The following FOXP2 variants were observed in gnomAD, a reference collection of about 807,000 sequenced individuals.
The protein encoded by FOXP2 is forkhead box P2.
A neutral mutation model predicts 115.8 loss-of-function variants in FOXP2; 12 were observed. The observed-to-expected ratio is 0.10, with a 90% CI of 0.07 to 0.17. The LOEUF (loss-of-function observed/expected upper bound fraction) is 0.17, where lower values mean the gene tolerates loss of function less well. Among genes scored for constraint, FOXP2 ranks in the 10% least tolerant of loss-of-function variants. The pLI, the probability that FOXP2 is intolerant of heterozygous loss-of-function variation, is 1.00. For missense variants in FOXP2, 629 were observed against 843.5 expected, an observed-to-expected ratio of 0.75 and a Z score of 3.15; for synonymous variants, 328 against 297.7, an observed-to-expected ratio of 1.10 and a Z score of -1.05.
rs76248238 is a variant in FOXP2, at chr7:114,500,894, C to G, written c.169-33723C>G. Among the ~76,000 whole-genome samples, 1,093 of 152,272 alleles carry G rather than the reference C, an allele frequency of 7.2e-3. 16 individuals are homozygous for G. Among genetic ancestry groups the G allele is most frequent in the African/African-American group, 0.025 (1,027 of 41,562 alleles). Reference sequence around the variant, plus strand: ...ACTAATTTAATTGTGCCTATCTGTTCTTGAAGTAGGGCCTGTTCGTTTATC... The same window carrying G: ...ACTAATTTAATTGTGCCTATCTGTTGTTGAAGTAGGGCCTGTTCGTTTATC... On this transcript the variant is annotated intron_variant, in intron 2 of 16. Transcript: ENST00000350908.
At chr7:114,387,941 C>T (rs138050137) in intron 2 of FOXP2, among the ~76,000 whole-genome samples, 45 of 152,234 alleles carry the variant, frequency 3.0e-4, no homozygotes, top group African/African-American at 1.1e-3. Context: ...ATTGCTTCCT[C>T]GCACCATTCA....
chr7:114,557,575 T>C (rs1215501145), intron 3 of FOXP2, among the ~76,000 whole-genome samples: 1 of 151,908 alleles, frequency 6.6e-6, no homozygotes, highest in African/African-American at 2.4e-5. Context: ...TGAGTTAAGA[T>C]TGTTTTCAAA....
At chr7:114,647,924 A>T (rs1357570670) in intron 8 of FOXP2, among the ~76,000 whole-genome samples, 1 of 152,066 alleles carries the variant, frequency 6.6e-6, no homozygotes, top group Non-Finnish European at 1.5e-5. Flanking sequence ...ACAAAGGTGG[A>T]AATACTCTCC....
intron 6 of FOXP2, among the ~76,000 whole-genome samples, chr7:114,637,427 A>C (rs183292306): frequency 6.6e-6 from 1 of 152,214 alleles, no homozygotes; most frequent in Non-Finnish European, 1.5e-5. Flanking sequence ...AAACCGAATA[A>C]TCTTCACTTA....
intron 3 of FOXP2, among the ~76,000 whole-genome samples, chr7:114,577,184 A>G (rs983182829): frequency 1.3e-5 from 2 of 151,948 alleles, no homozygotes; most frequent in Non-Finnish European, 2.9e-5. Flanking sequence ...AAATATTTCT[A>G]AATAACAGGA....
intron 1 of FOXP2, among the ~76,000 whole-genome samples, chr7:114,128,747 C>G (rs1262822984): frequency 1.3e-5 from 2 of 152,024 alleles, no homozygotes; most frequent in African/African-American, 2.4e-5. Flanking sequence ...CTATGTAAAT[C>G]TTTTTGTATA....
rs376733338 is a variant in FOXP2, at chr7:114,471,198, C to T, written c.168+44519C>T. On this transcript the variant is annotated intron_variant, in intron 2 of 16. Coordinates refer to ENST00000350908, the MANE Select transcript of FOXP2 (RefSeq NM_014491.4). Reference sequence around the variant, plus strand: ...TCAATTATAGTGTATAGAATAATAACAGCTAATAAAATTTAAAAATAATTG... The same window carrying T: ...TCAATTATAGTGTATAGAATAATAATAGCTAATAAAATTTAAAAATAATTG... Among the ~76,000 whole-genome samples, 10 of 152,118 alleles carry T rather than the reference C, an allele frequency of 6.6e-5. 1 individual carries two copies.
chr7:114,661,924 T>A (rs994721009), intron 13 of FOXP2, 141 bp from the exon 14 acceptor site: 30 of 1,051,196 alleles, frequency 2.9e-5, no homozygotes, highest in Middle Eastern at 5.6e-4. Flanking sequence ...GTTTGTAATA[T>A]CATGCCATAT....
chr7:114,513,820 C>T lies in FOXP2; in HGVS notation c.169-20797C>T, dbSNP rs137872956. The stretch of plus-strand genomic sequence containing the variant: ...TATAATTTTCTAATTTAAGTGTTCT[C>T]TATATTTAGTGTTAAATTATGCTTT... On this transcript the variant is annotated intron_variant, in intron 2 of 16. Transcript: ENST00000350908. 1.2e-4 allele frequency among the ~76,000 whole-genome samples: 19 copies of T among 152,062 alleles called. No individual in the cohort carries two copies. The East Asian group carries it at 1.4e-3, about 11-fold the overall frequency.
chr7:114,518,864 A>G (rs1031233891), intron 2 of FOXP2, among the ~76,000 whole-genome samples: 6 of 152,162 alleles, frequency 3.9e-5, no homozygotes, highest in Admixed American at 1.3e-4. Flanking sequence ...GTTATTTGCT[A>G]TCATTCTTCA....
In FOXP2 at chr7:114,689,938, T is replaced by C. The variant is rs773914498; in HGVS notation, c.*12T>C. ...AAGATCTGGAATGAGAACTGACTTGTGAAACCTCAGCGTGAAGGGACATAT... is the reference window on the plus strand; with the variant it reads ...AAGATCTGGAATGAGAACTGACTTGCGAAACCTCAGCGTGAAGGGACATAT... On this transcript the variant is annotated 3_prime_UTR_variant, in exon 17 of 17. Coordinates refer to ENST00000350908, the MANE Select transcript of FOXP2 (RefSeq NM_014491.4). The C allele has an allele frequency of 3.7e-6, 6 of 1,612,574 alleles. No individual in the cohort carries two copies. The African/African-American group carries it at 8.0e-5, about 22-fold the overall frequency.
chr7:114,090,329 A>C (rs1799517438), intron 1 of FOXP2, among the ~76,000 whole-genome samples: 1 of 151,868 alleles, frequency 6.6e-6, no homozygotes, highest in Admixed American at 6.5e-5. Flanking sequence ...GGCACATTCA[A>C]GCTATTTTTT....
At chr7:114,402,720 G>C (rs1333731121) in intron 2 of FOXP2, among the ~76,000 whole-genome samples, 7 of 151,494 alleles carry the variant, frequency 4.6e-5, no homozygotes, top group Non-Finnish European at 8.8e-5. Context: ...TCGAATACCT[G>C]GGCTCAAGCA....
chr7:114,373,372 G>T (rs1236242240), intron 2 of FOXP2, among the ~76,000 whole-genome samples: 1 of 151,406 alleles, frequency 6.6e-6, no homozygotes, highest in Non-Finnish European at 1.5e-5. Flanking sequence ...AGCAGCTGTG[G>T]ATTTACGTAC....
chr7:114,474,987 T>G (rs563201869), intron 2 of FOXP2, among the ~76,000 whole-genome samples: 8 of 152,024 alleles, frequency 5.3e-5, no homozygotes, highest in Non-Finnish European at 7.4e-5. Context: ...AAGTAAAAGA[T>G]GTAGTAAATG....
chr7:114,126,148 T>C (rs1468812272), intron 1 of FOXP2, among the ~76,000 whole-genome samples: 2 of 152,040 alleles, frequency 1.3e-5, no homozygotes, highest in African/African-American at 4.8e-5. Flanking sequence ...AAGTGCTAAA[T>C]AGATAACCAG....
chr7:114,658,465 CA>C (rs1752935264), intron 11 of FOXP2, among the ~76,000 whole-genome samples, 198 bp downstream of exon 11: 1 of 152,064 alleles, frequency 6.6e-6, no homozygotes, highest in South Asian at 2.1e-4. Context: ...AATGGTTGTT[CA>C]GGAAAGAAAG....
intron 16 of FOXP2, among the ~76,000 whole-genome samples, chr7:114,675,940 C>T (rs1459907051): frequency 2.0e-5 from 3 of 151,138 alleles, no homozygotes; most frequent in East Asian, 1.9e-4. Flanking sequence ...GACGGAGTCC[C>T]GCTGTGTAGC....
chr7:114,579,967 G>A (rs1801764291), intron 3 of FOXP2, among the ~76,000 whole-genome samples: 1 of 152,154 alleles, frequency 6.6e-6, no homozygotes, highest in African/African-American at 2.4e-5. Flanking sequence ...CAAGTAGTTA[G>A]GAGAGGTTTA....
Sources: allele counts gnomAD v4.1 joint callset (sites outside exome capture counted in the v4.1 genomes callset), GRCh38; gene constraint gnomAD v4.1.1; transcripts MANE v1.5; gene names NCBI Gene and HGNC (gene_info 2026-07-23, HGNC 2026-07-21).